RAB3B: variants seen among roughly 807,000 people sequenced by gnomAD.
RAB3B encodes ras-related protein Rab-3B.
In RAB3B, 11 loss-of-function variants were observed where a neutral mutation model predicts 20.5. That is an observed-to-expected ratio of 0.54 (90% CI 0.34 to 0.89). RAB3B has a LOEUF of 0.89. RAB3B is among the 40% of genes least tolerant of loss of function. The probability of loss-of-function intolerance (pLI) is 0.02; values close to 1 mark genes in which losing one functional copy is unlikely to be tolerated. For synonymous variants in RAB3B, 99 were observed against 106.3 expected (o/e 0.93, Z 0.42); for missense variants, 225 against 280.9 (o/e 0.80, Z 1.42).
intron 3 of RAB3B, among the ~76,000 whole-genome samples, chr1:51,936,002 C>T (rs942269307): frequency 3.3e-5 from 5 of 152,184 alleles, no homozygotes; most frequent in Non-Finnish European, 7.3e-5. Flanking sequence ...CAAGGTCACT[C>T]TCAGCTCAAG....
intron 2 of RAB3B, among the ~76,000 whole-genome samples, chr1:51,974,393 T>C (rs1684980127): frequency 6.6e-6 from 1 of 152,188 alleles, no homozygotes; most frequent in Non-Finnish European, 1.5e-5. Flanking sequence ...CCACCAGAGT[T>C]TCTGACTCAA....
At chr1:51,968,047 A>T (rs566228466) in intron 2 of RAB3B, among the ~76,000 whole-genome samples, 26 of 152,242 alleles carry the variant, frequency 1.7e-4, no homozygotes, top group Non-Finnish European at 3.7e-4. Context: ...AGAGGTTGGA[A>T]GATGTTCCAC....
Position 51,920,123 on chromosome 1 carries a change from A to G in RAB3B, c.473-9T>C. On this transcript the variant is annotated splice_polypyrimidine_tract_variant and intron_variant, in intron 4 of 4. Coordinates refer to ENST00000371655, the MANE Select transcript of RAB3B (RefSeq NM_002867.4). ...TTCAAAGAAATCAAACCCTGGAAAG[A>G]GGAGAGATACAGATAAGGACTTTTC... 6.2e-7 allele frequency: 1 copy of G among 1,603,930 alleles called. No individual in the cohort carries two copies. Among genetic ancestry groups the G allele is most frequent in the Non-Finnish European group, 8.5e-7 (1 of 1,173,424 alleles).
chr1:51,952,509 T>C (rs1054758631), intron 2 of RAB3B, among the ~76,000 whole-genome samples: 1 of 152,174 alleles, frequency 6.6e-6, no homozygotes, highest in Non-Finnish European at 1.5e-5. Context: ...GAATAGATCA[T>C]AGCACCTATA....
intron 2 of RAB3B, among the ~76,000 whole-genome samples, chr1:51,974,777 T>C (rs1189030080): frequency 6.6e-6 from 1 of 152,242 alleles, no homozygotes; most frequent in Non-Finnish European, 1.5e-5. Context: ...ATTAAAGTAG[T>C]ACCTACTTCA....
At chr1:51,980,712 C>T (rs1685075013) in intron 1 of RAB3B, 1 of 756,218 alleles carries the variant, frequency 1.3e-6, no homozygotes. Flanking sequence ...GTGCAATTCA[C>T]AGCAAAGTAG....
intron 1 of RAB3B, among the ~76,000 whole-genome samples, chr1:51,983,019 TG>T (rs1685107638): frequency 1.3e-5 from 2 of 152,142 alleles, no homozygotes; most frequent in African/African-American, 4.8e-5. Context: ...GCTCCATTCA[TG>T]GTTAAGTGTC....
intron 1 of RAB3B, among the ~76,000 whole-genome samples, 164 bp downstream of exon 1, chr1:51,990,388 G>A (rs903982133): frequency 5.5e-5 from 8 of 145,066 alleles, no homozygotes; most frequent in African/African-American, 2.1e-4. Flanking sequence ...CTCCCTAGGT[G>A]AGCCCCACCT....
chr1:51,959,058 G>A lies in RAB3B; in HGVS notation c.228+17832C>T, dbSNP rs1480118204. Among the ~76,000 whole-genome samples the A allele has an allele frequency of 2.0e-5, 3 of 152,248 alleles. No individual in the cohort carries two copies. The East Asian group carries it at 5.8e-4, about 29-fold the overall frequency. ...CCCTCAGGGAGCATGCAGTCTGGGA[G>A]GAAGACAGGTGAGTTCCAGACACAT... On this transcript the variant is annotated intron_variant, in intron 2 of 4. Coordinates refer to ENST00000371655, the MANE Select transcript of RAB3B (RefSeq NM_002867.4).
At chr1:51,965,522 G>A (rs1385661147) in intron 2 of RAB3B, among the ~76,000 whole-genome samples, 1 of 151,384 alleles carries the variant, frequency 6.6e-6, no homozygotes, top group African/African-American at 2.4e-5. Context: ...TGGGGGGCAC[G>A]TGTAATCCCA....
In RAB3B at chr1:51,912,554, A is replaced by AAAAATATAT. The variant is rs1491223921; in HGVS notation, c.*7372_*7373insATATATTTT. The AAAAATATAT allele has an allele frequency of 9.7e-4, 15 of 15,496 alleles. 1 individual carries two copies. The highest frequency in any genetic ancestry group is 1.3e-3 in the Non-Finnish European group (9 of 6,826). 1.0% of individuals were successfully genotyped at this position (15,496 alleles called of 1,614,324 possible). A position where few individuals can be genotyped will look rare whatever the true frequency, so the allele number is the denominator to read the frequency against. On this transcript the variant is annotated 3_prime_UTR_variant, in exon 5 of 5. Transcript: ENST00000371655. Reference sequence around the variant, plus strand: ...AGACCGTCTCTATTAAAAAAAAAAAAATATATATATATATATATATATATA... The same window carrying AAAAATATAT: ...AGACCGTCTCTATTAAAAAAAAAAAAAAAATATATATATATATATATATATATATATATA...
rs2124214201 is a variant in RAB3B, at chr1:51,912,089, T to A, written c.*7838A>T. On this transcript the variant is annotated 3_prime_UTR_variant, in exon 5 of 5. Transcript: ENST00000371655. ...AGTCTCTGAATTCTCTTCATTTCTT[T>A]CCTTTTCTTCTTTTTTTTCTTTCTT... 6.6e-6 allele frequency: 1 copy of A among 151,674 alleles called. No individual in the cohort carries two copies. The highest frequency in any genetic ancestry group is 2.1e-4 in the South Asian group (1 of 4,788). The allele number at this position is 151,674 out of a possible 1,614,324, so 9.4% of individuals were successfully genotyped here. A position where few individuals can be genotyped will look rare whatever the true frequency, so the allele number is the denominator to read the frequency against.
chr1:51,958,645 C>G, intron 2 of RAB3B, among the ~76,000 whole-genome samples: 1 of 152,076 alleles, frequency 6.6e-6, no homozygotes, highest in Middle Eastern at 3.2e-3. Context: ...ATCACTTGAA[C>G]CCGGGAGGCG....
At chr1:51,936,608 A>G (rs1684407073) in intron 3 of RAB3B, among the ~76,000 whole-genome samples, 1 of 152,086 alleles carries the variant, frequency 6.6e-6, no homozygotes, top group Non-Finnish European at 1.5e-5. Context: ...TCACCTTTGC[A>G]CATCTGTACT....
At chr1:51,932,186 T>G (rs373635562) in intron 4 of RAB3B, among the ~76,000 whole-genome samples, 82 of 152,234 alleles carry the variant, frequency 5.4e-4, no homozygotes, top group African/African-American at 2.0e-3. Context: ...CAATTCACAC[T>G]TGTATTTTAT....
At chr1:51,972,767 T>G (rs1684955724) in intron 2 of RAB3B, among the ~76,000 whole-genome samples, 1 of 152,206 alleles carries the variant, frequency 6.6e-6, no homozygotes, top group Admixed American at 6.5e-5. Context: ...ACCTTGATCT[T>G]AGACTTCCAG....
At chr1:51,920,825 T>A (rs1684163060) in intron 4 of RAB3B, among the ~76,000 whole-genome samples, 1 of 152,130 alleles carries the variant, frequency 6.6e-6, no homozygotes, top group South Asian at 2.1e-4. Flanking sequence ...TCACACTGAA[T>A]AAGTCTTCTT....
chr1:51,976,809 A>G (rs1685015179), intron 2 of RAB3B, 81 bp downstream of exon 2: 1 of 1,274,894 alleles, frequency 7.8e-7, no homozygotes, highest in Admixed American at 1.9e-5. Flanking sequence ...AGAAGTTCCA[A>G]GCTGGCCCCA....
chr1:51,947,204 T>C (rs1684576852), intron 2 of RAB3B, among the ~76,000 whole-genome samples: 1 of 152,140 alleles, frequency 6.6e-6, no homozygotes. Flanking sequence ...AAGACCAGCC[T>C]GGGCAATATG....
Sources: allele counts gnomAD v4.1 joint callset (sites outside exome capture counted in the v4.1 genomes callset), GRCh38; gene constraint gnomAD v4.1.1; transcripts MANE v1.5; gene names NCBI Gene and HGNC (gene_info 2026-07-23, HGNC 2026-07-21).